Variants in TNS1 observed in about 807,000 individuals in gnomAD.
TNS1 encodes tensin 1, also known as tensin-1.
A neutral mutation model predicts 168.6 loss-of-function variants in TNS1; 62 were observed. That is an observed-to-expected ratio of 0.37 (90% CI 0.30 to 0.45). TNS1 has a LOEUF of 0.45. Ranked by LOEUF, TNS1 falls within the 20% of genes least tolerant of loss-of-function variation. TNS1 has a pLI of 1.00. For missense variants in TNS1, 2,240 were observed against 2,339.4 expected, an observed-to-expected ratio of 0.96 and a Z score of 0.88; for synonymous variants, 934 against 933.2, an observed-to-expected ratio of 1.00 and a Z score of -0.02.
intron 1 of TNS1, among the ~76,000 whole-genome samples, chr2:217,998,319 C>T (rs774004508): frequency 1.3e-5 from 2 of 152,130 alleles, no homozygotes; most frequent in Non-Finnish European, 2.9e-5. Flanking sequence ...AGGCTGCCCA[C>T]ATTTCTGAAT....
At position 218,033,791 on chromosome 2, in the gene TNS1, C is replaced by T. The variant is rs560715658; in HGVS notation, c.156+29G>A. Among the ~76,000 whole-genome samples the T allele has an allele frequency of 8.3e-4, 126 of 152,308 alleles. No individual in the cohort carries two copies. Among genetic ancestry groups the T allele is most frequent in the African/African-American group, 2.9e-3 (122 of 41,568 alleles). The stretch of plus-strand genomic sequence containing the variant: ...ACCGCCAGCTCCCGACTCGGGGCGT[C>T]GTCCCTCACCCATTCCCGCAGCCCC... On this transcript the variant is annotated intron_variant, in intron 1 of 1. Coordinates refer to the TNS1 transcript ENST00000649572. This position sits in a 1 kb window ranked among gnomAD's most constrained non-coding sequence, Gnocchi z 4.3.
At chr2:217,898,056 G>A in intron 7 of TNS1, 87 bp from the exon 8 acceptor site, 1 of 1,415,546 alleles carries the variant, frequency 7.1e-7, no homozygotes, top group South Asian at 1.5e-5. Flanking sequence ...TACACACCCT[G>A]TGTGACCCCC....
intron 7 of TNS1, among the ~76,000 whole-genome samples, chr2:217,899,254 C>T (rs1027391327): frequency 6.6e-6 from 1 of 152,106 alleles, no homozygotes; most frequent in Non-Finnish European, 1.5e-5. Context: ...GGACTGGGGA[C>T]CAGCACCCAG....
intron 1 of TNS1, among the ~76,000 whole-genome samples, chr2:218,026,267 A>G (rs1258928074): frequency 2.6e-5 from 4 of 152,184 alleles, no homozygotes; most frequent in African/African-American, 9.7e-5. Context: ...AACTCAGTGT[A>G]AGCTCGAAGG....
Position 217,812,386 on chromosome 2 carries a change from G to C in TNS1, c.5014C>G (p.Leu1672Val). ...TTCCTACCTCGGTTTGGAATGACCA[G>C]CTTGCAAGGCAGGGCCAATGGGATG... ...SIIPLALPCKLVIPNRDPTDE... is the reference protein window; with the variant it reads ...SIIPLALPCKVVIPNRDPTDE... Residue 1672 changes from leucine (L) to valine (V), a missense_variant, in exon 28 of 33, where the codon CTG becomes GTG. Physicochemically the swap from Leu to Val is conservative, Grantham distance 32. Around this residue, in one of 2 missense-constraint regions of TNS1, gnomAD observed 2,131 missense variants for 2,171.2 expected, o/e 0.98. Coordinates refer to ENST00000682258, the MANE Select transcript of TNS1 (RefSeq NM_001387777.1). 5.0e-6 allele frequency: 8 copies of C among 1,614,128 alleles called. No individual in the cohort carries two copies. The highest frequency in any genetic ancestry group is 6.8e-6 in the Non-Finnish European group (8 of 1,180,026).
chr2:218,025,305 G>A (rs951042524), intron 1 of TNS1, among the ~76,000 whole-genome samples: 21 of 152,172 alleles, frequency 1.4e-4, no homozygotes, highest in Non-Finnish European at 2.9e-5. Context: ...GTGGAGTGCA[G>A]TGGCATGATC....
chr2:218,033,655 G>A lies in TNS1; in HGVS notation c.156+165C>T, dbSNP rs925440049. Among the ~76,000 whole-genome samples the A allele has an allele frequency of 6.6e-6, 1 of 152,082 alleles. No homozygotes were observed. Among genetic ancestry groups the A allele is most frequent in the Non-Finnish European group, 1.5e-5 (1 of 67,990 alleles). On this transcript the variant is annotated intron_variant, in intron 1 of 1. Coordinates refer to the TNS1 transcript ENST00000649572. The surrounding 1 kb of genome is among the most constrained non-coding windows in gnomAD (Gnocchi z 4.3). ...ACCCAACTGGAGGCCCCTTCACCCGGTCGTGGTCCTTCCTCCCCCTTGGTC... is the reference window on the plus strand; with the variant it reads ...ACCCAACTGGAGGCCCCTTCACCCGATCGTGGTCCTTCCTCCCCCTTGGTC...
chr2:217,958,272 T>G (rs1291101699), intron 3 of TNS1, among the ~76,000 whole-genome samples: 2 of 150,694 alleles, frequency 1.3e-5, no homozygotes, highest in Non-Finnish European at 3.0e-5. Flanking sequence ...CATGGTCAAA[T>G]GGGAAAGGAG....
Position 217,979,386 on chromosome 2 carries a change from C to G in TNS1, c.149-584G>C, listed in dbSNP as rs189377056. On this transcript the variant is annotated intron_variant, in intron 2 of 32. Coordinates refer to ENST00000682258, the MANE Select transcript of TNS1 (RefSeq NM_001387777.1). ...ACACACAGTCTCACACACACAGATTCATCCAGGAAGAGCCCTGACTCAGGG... is the reference window on the plus strand; with the variant it reads ...ACACACAGTCTCACACACACAGATTGATCCAGGAAGAGCCCTGACTCAGGG... 5.9e-5 allele frequency among the ~76,000 whole-genome samples: 9 copies of G among 152,198 alleles called. No individual in the cohort carries two copies. The East Asian group carries it at 1.5e-3, about 26-fold the overall frequency.
chr2:217,836,236 G>C (rs1259015171), intron 19 of TNS1, 25 bp from the exon 20 acceptor site: 27 of 1,584,434 alleles, frequency 1.7e-5, no homozygotes, highest in Non-Finnish European at 2.2e-5. Context: ...GGGTGTAGAG[G>C]ACAATGAGCA....
At chr2:217,941,320 C>A (rs1207427272) in intron 3 of TNS1, among the ~76,000 whole-genome samples, 2 of 152,186 alleles carry the variant, frequency 1.3e-5, no homozygotes, top group Non-Finnish European at 2.9e-5. Flanking sequence ...GGGGGTGAAG[C>A]CTGTGGTGCT....
intron 1 of TNS1, among the ~76,000 whole-genome samples, chr2:218,008,397 G>T (rs183297083): frequency 6.6e-6 from 1 of 152,188 alleles, no homozygotes. Flanking sequence ...TCCGCAAATG[G>T]GGAGGGGGTG....
At chr2:217,907,591 C>T (rs985033903) in intron 4 of TNS1, among the ~76,000 whole-genome samples, 1 of 152,222 alleles carries the variant, frequency 6.6e-6, no homozygotes, top group African/African-American at 2.4e-5. Flanking sequence ...CCCAAGAATC[C>T]AGGGAGGTGA....
chr2:217,839,049 T>G (rs1040967436), intron 19 of TNS1, among the ~76,000 whole-genome samples: 8 of 149,500 alleles, frequency 5.4e-5, no homozygotes, highest in Non-Finnish European at 1.0e-4. Context: ...GACACACATG[T>G]GCATGCTTGC....
At chr2:218,026,305 A>G in intron 1 of TNS1, among the ~76,000 whole-genome samples, 1 of 152,194 alleles carries the variant, frequency 6.6e-6, no homozygotes, top group Non-Finnish European at 1.5e-5. Flanking sequence ...CCCTTACACT[A>G]TAACACAGAT....
chr2:217,913,398 G>A (rs184130769), intron 4 of TNS1, among the ~76,000 whole-genome samples: 88 of 152,210 alleles, frequency 5.8e-4, no homozygotes, highest in Non-Finnish European at 1.0e-3. Context: ...CAATGCAGCC[G>A]GCTTGCACAG....
At chr2:217,822,381 A>G (rs911246604) in intron 22 of TNS1, among the ~76,000 whole-genome samples, 2 of 152,116 alleles carry the variant, frequency 1.3e-5, no homozygotes, top group African/African-American at 4.8e-5. Flanking sequence ...GCCAGAGTTC[A>G]TGTGAGCTCC....
At chr2:218,031,426 A>AGT (rs542774225) in intron 1 of TNS1, among the ~76,000 whole-genome samples, 2 of 96,826 alleles carry the variant, frequency 2.1e-5, no homozygotes, top group Admixed American at 1.0e-4. Context: ...TGTGTGTATA[A>AGT]GTGTGTGTGT....
chr2:217,859,844 C>T, intron 18 of TNS1: 1 of 627,898 alleles, frequency 1.6e-6, no homozygotes, highest in Non-Finnish European at 2.8e-6. Flanking sequence ...CTGATGTGCC[C>T]TGGAAAGTGC....
Sources: gnomAD v4.1 joint callset for allele counts (sites outside exome capture counted in the v4.1 genomes callset) on GRCh38, gnomAD v4.1.1 for gene constraint, gnomAD v4.1.1 regional missense constraint, Gnocchi (gnomAD v3.1) non-coding constraint, MANE v1.5 for transcripts, NCBI Gene and HGNC (gene_info 2026-07-23, HGNC 2026-07-21) for gene names.